Variants in ADGRL2 observed in about 807,000 individuals in gnomAD.
ADGRL2 encodes the protein calcium-independent alpha-latrotoxin receptor 2.
ADGRL2 carries 44 observed loss-of-function variants against 157.4 expected under a neutral mutation model. The observed-to-expected ratio is 0.28, with a 90% CI of 0.22 to 0.36. The LOEUF is 0.36. ADGRL2 is among the 10% of genes least tolerant of loss of function. The pLI is 1.00. For synonymous variants in ADGRL2, 585 were observed against 624.7 expected, an observed-to-expected ratio of 0.94 and a Z score of 0.95; for missense variants, 1,510 against 1,768.9, an observed-to-expected ratio of 0.85 and a Z score of 2.63.
intron 2 of ADGRL2, among the ~76,000 whole-genome samples, chr1:81,531,030 G>C (rs2079584832): frequency 6.6e-6 from 1 of 150,950 alleles, no homozygotes; most frequent in African/African-American, 2.4e-5. Context: ...GTTGCAATGA[G>C]CTGAGATCGC....
upstream of ADGRL2, among the ~76,000 whole-genome samples, chr1:81,697,438 A>G (rs904465736): frequency 6.6e-6 from 1 of 152,174 alleles, no homozygotes; most frequent in Non-Finnish European, 1.5e-5. Context: ...TGAGACATGC[A>G]CTAGCACTTT....
intron 2 of ADGRL2, among the ~76,000 whole-genome samples, chr1:81,448,593 T>C (rs914604180): frequency 4.6e-5 from 7 of 152,074 alleles, no homozygotes; most frequent in African/African-American, 1.7e-4. Flanking sequence ...CCTAGCACTT[T>C]GGGCTATCAA....
chr1:81,532,962 A>ATCTATCTG (rs2079639671), intron 2 of ADGRL2, among the ~76,000 whole-genome samples: 1 of 148,208 alleles, frequency 6.7e-6, no homozygotes, highest in Non-Finnish European at 1.5e-5. Flanking sequence ...CTATCTATCT[A>ATCTATCTG]TCTATCTATC....
chr1:81,856,571 A>G (rs2093210875), intron 2 of ADGRL2, among the ~76,000 whole-genome samples: 2 of 152,140 alleles, frequency 1.3e-5, no homozygotes, highest in African/African-American at 4.8e-5. Flanking sequence ...GTTAGAATAA[A>G]CTGAGCACCA....
chr1:81,345,735 C>T (rs1230367652), intron 1 of ADGRL2, among the ~76,000 whole-genome samples: 1 of 151,576 alleles, frequency 6.6e-6, no homozygotes, highest in Non-Finnish European at 1.5e-5. Flanking sequence ...AAGAGAAAGG[C>T]AAGAAAGAAG....
At position 81,366,833 on chromosome 1, in the gene ADGRL2, G is replaced by A. The variant is rs148540920; in HGVS notation, c.-302+60324G>A. ...GATTCTATGTGATGAGATTCTCTTC[G>A]TTTTCCTGCTTCTTTGATCATTTCT... is the stretch of plus-strand genomic sequence containing the variant. On this transcript the variant is annotated intron_variant, in intron 1 of 24. Coordinates refer to the ADGRL2 transcript ENST00000370721. Among the ~76,000 whole-genome samples, 485 of 152,172 alleles carry A rather than the reference G, an allele frequency of 3.2e-3. 3 individuals are homozygous for A. The highest frequency in any genetic ancestry group is 0.011 in the African/African-American group (455 of 41,516).
intron 1 of ADGRL2, among the ~76,000 whole-genome samples, chr1:81,332,021 C>G (rs1484440549): frequency 6.6e-6 from 1 of 152,118 alleles, no homozygotes; most frequent in African/African-American, 2.4e-5. Flanking sequence ...CACAACAACA[C>G]AAACTCTTTC....
intron 3 of ADGRL2, among the ~76,000 whole-genome samples, chr1:81,591,000 T>G (rs2081121221): frequency 6.6e-6 from 1 of 152,166 alleles, no homozygotes; most frequent in Non-Finnish European, 1.5e-5. Flanking sequence ...GTCCTAGATA[T>G]CACGTGGAGT....
At position 81,544,348 on chromosome 1, in the gene ADGRL2, A is replaced by C. The variant is rs142416063; in HGVS notation, c.-247-36528A>C. Among the ~76,000 whole-genome samples the C allele has an allele frequency of 3.3e-5, 5 of 152,338 alleles. No individual in the cohort carries two copies. In the East Asian group the frequency reaches 9.6e-4, roughly 29 times the overall value. ...AAGAATATTCTCCATATATATTTCT[A>C]AAATCAAAATGTGTCATAAAAATGA... On this transcript the variant is annotated intron_variant, in intron 2 of 24. Coordinates refer to the ADGRL2 transcript ENST00000370721.
chr1:81,461,265 T>C (rs576448778), intron 2 of ADGRL2, among the ~76,000 whole-genome samples: 1 of 152,112 alleles, frequency 6.6e-6, no homozygotes, highest in Non-Finnish European at 1.5e-5. Flanking sequence ...AAAGCTTTCT[T>C]TTTTTCTTTT....
In ADGRL2 at chr1:81,499,011, A is replaced by G. The variant is rs928335389; in HGVS notation, c.-248+53922A>G. 5.3e-5 allele frequency among the ~76,000 whole-genome samples: 8 copies of G among 152,292 alleles called. No homozygotes were observed. The South Asian group carries it at 6.2e-4, about 12-fold the overall frequency. ...TTGCCTTGACTTTTTAAACCACTAG[A>G]TGCTCACCTGCAGTGGTTTCTGTGA... On this transcript the variant is annotated intron_variant, in intron 2 of 24. Coordinates refer to the ADGRL2 transcript ENST00000370721.
chr1:81,366,796 T>A (rs1468877491), intron 1 of ADGRL2, among the ~76,000 whole-genome samples: 2 of 152,316 alleles, frequency 1.3e-5, no homozygotes, highest in African/African-American at 4.8e-5. Context: ...TTTGAAAACC[T>A]CCCAGTTGCT....
intron 2 of ADGRL2, among the ~76,000 whole-genome samples, chr1:81,883,535 A>C (rs1407912581): frequency 6.6e-6 from 1 of 152,204 alleles, no homozygotes; most frequent in Non-Finnish European, 1.5e-5. Flanking sequence ...AAATAAAATA[A>C]AAATGGGGGG....
chr1:81,527,562 A>T (rs2148216727), intron 2 of ADGRL2, among the ~76,000 whole-genome samples: 1 of 152,232 alleles, frequency 6.6e-6, no homozygotes, highest in South Asian at 2.1e-4. Flanking sequence ...AAATACAAAA[A>T]TTAGCTGGGC....
chr1:81,331,721 G>C (rs752530811), intron 1 of ADGRL2, among the ~76,000 whole-genome samples: 17 of 152,072 alleles, frequency 1.1e-4, no homozygotes, highest in Non-Finnish European at 4.4e-5. Context: ...TGTTAGCAGT[G>C]CCATTTTACA....
chr1:81,917,171 A>C (rs1226349221), intron 3 of ADGRL2, among the ~76,000 whole-genome samples: 2 of 152,068 alleles, frequency 1.3e-5, no homozygotes, highest in African/African-American at 2.4e-5. Context: ...TTAAACTGTC[A>C]TTTATTATGG....
At chr1:81,429,274 T>C in intron 1 of ADGRL2, among the ~76,000 whole-genome samples, 1 of 152,098 alleles carries the variant, frequency 6.6e-6, no homozygotes, top group East Asian at 1.9e-4. Flanking sequence ...GAGGCTACTG[T>C]TACCTTTTTT....
chr1:81,478,643 A>G (rs1369448984), intron 2 of ADGRL2, among the ~76,000 whole-genome samples: 1 of 152,182 alleles, frequency 6.6e-6, no homozygotes, highest in Non-Finnish European at 1.5e-5. Context: ...TTGATCGGCT[A>G]CAATTTGTAG....
At chr1:81,537,141 C>T (rs1169176356) in intron 2 of ADGRL2, among the ~76,000 whole-genome samples, 2 of 152,110 alleles carry the variant, frequency 1.3e-5, no homozygotes, top group Non-Finnish European at 2.9e-5. Context: ...CCACTGTATA[C>T]ATTTTAAAAG....
Sources: allele counts gnomAD v4.1 joint callset (sites outside exome capture counted in the v4.1 genomes callset), GRCh38; gene constraint gnomAD v4.1.1; transcripts MANE v1.5; gene names NCBI Gene and HGNC (gene_info 2026-07-23, HGNC 2026-07-21).